CDK6: variants seen among roughly 807,000 people sequenced by gnomAD.
CDK6 encodes the protein cyclin dependent kinase 6, also known as cyclin-dependent kinase 6.
In CDK6, 6 loss-of-function variants were observed where a neutral mutation model predicts 37.1. That is an observed-to-expected ratio of 0.16 (90% CI 0.09 to 0.32). The LOEUF (loss-of-function observed/expected upper bound fraction) is 0.32, where lower values mean the gene tolerates loss of function less well. Among genes scored for constraint, CDK6 ranks in the 10% least tolerant of loss-of-function variants. CDK6 has a pLI of 1.00. For missense variants in CDK6, 224 were observed against 418.9 expected (o/e 0.53, Z 4.06); for synonymous variants, 160 against 161.3 (o/e 0.99, Z 0.06).
chr7:92,708,867 G>A (rs1171855871), intron 4 of CDK6, among the ~76,000 whole-genome samples: 2 of 152,130 alleles, frequency 1.3e-5, no homozygotes, highest in Non-Finnish European at 2.9e-5. Context: ...CAATACCACT[G>A]CCAGTAAAAA....
intron 5 of CDK6, among the ~76,000 whole-genome samples, chr7:92,663,553 T>C (rs927196355): frequency 6.6e-6 from 1 of 151,652 alleles, no homozygotes. Context: ...TACAAAAAAT[T>C]AGCTGGGCGT....
chr7:92,819,134 T>C (rs1023264309), intron 2 of CDK6, among the ~76,000 whole-genome samples: 8 of 152,068 alleles, frequency 5.3e-5, no homozygotes, highest in African/African-American at 1.9e-4. Flanking sequence ...AACAGCCTTA[T>C]TTATAACAGC....
At chr7:92,787,646 A>G (rs1741531906) in intron 2 of CDK6, among the ~76,000 whole-genome samples, 1 of 152,118 alleles carries the variant, frequency 6.6e-6, no homozygotes, top group Non-Finnish European at 1.5e-5. Context: ...GTGCTTTTCA[A>G]TCCCCTCCCA....
intron 4 of CDK6, among the ~76,000 whole-genome samples, chr7:92,689,959 CA>C (rs1797564236): frequency 6.6e-6 from 1 of 152,026 alleles, no homozygotes; most frequent in Non-Finnish European, 1.5e-5. Flanking sequence ...GTCATTTGCC[CA>C]CTTTTTTATC....
At chr7:92,739,735 T>C (rs1798873638) in intron 3 of CDK6, among the ~76,000 whole-genome samples, 1 of 152,202 alleles carries the variant, frequency 6.6e-6, no homozygotes, top group Non-Finnish European at 1.5e-5. Flanking sequence ...TTTAATCTTT[T>C]CTCCACTGCA....
At chr7:92,793,330 C>T (rs942876215) in intron 2 of CDK6, among the ~76,000 whole-genome samples, 2 of 152,090 alleles carry the variant, frequency 1.3e-5, no homozygotes, top group African/African-American at 2.4e-5. Context: ...TTCGAAGACT[C>T]GCACTTCTCA....
At chr7:92,737,181 A>G (rs1798808640) in intron 3 of CDK6, among the ~76,000 whole-genome samples, 1 of 152,200 alleles carries the variant, frequency 6.6e-6, no homozygotes, top group Non-Finnish European at 1.5e-5. Context: ...GTGCCACTAA[A>G]TGAAGATGAG....
chr7:92,615,898 C>A (rs189886154), intron 7 of CDK6, among the ~76,000 whole-genome samples: 7 of 152,332 alleles, frequency 4.6e-5, no homozygotes, highest in African/African-American at 1.7e-4. Context: ...GAAACCTTTG[C>A]AGTAGCAGCA....
chr7:92,712,878 G>GTATGTATTTATT (rs1343099505), intron 4 of CDK6, among the ~76,000 whole-genome samples: 15 of 128,040 alleles, frequency 1.2e-4, no homozygotes, highest in African/African-American at 3.3e-4. Context: ...ATGTATGTAT[G>GTATGTATTTATT]TATTTATTTA....
intron 4 of CDK6, among the ~76,000 whole-genome samples, chr7:92,685,631 C>T (rs187498539): frequency 6.6e-6 from 1 of 152,262 alleles, no homozygotes; most frequent in East Asian, 1.9e-4. Context: ...AACTCCTGCA[C>T]TAGGCCCCAA....
intron 5 of CDK6, among the ~76,000 whole-genome samples, chr7:92,640,255 C>T (rs1796272791): frequency 6.6e-6 from 1 of 152,130 alleles, no homozygotes; most frequent in African/African-American, 2.4e-5. Context: ...CATCAAAGTG[C>T]AAATGGAAGG....
At chr7:92,818,276 T>C (rs1205132763) in intron 2 of CDK6, among the ~76,000 whole-genome samples, 1 of 151,282 alleles carries the variant, frequency 6.6e-6, no homozygotes, top group Non-Finnish European at 1.5e-5. Context: ...GAACAAAGAG[T>C]CTAAAAACAG....
intron 2 of CDK6, 68 bp from the exon 3 acceptor site, chr7:92,774,899 A>G: frequency 3.4e-6 from 5 of 1,454,886 alleles, no homozygotes; most frequent in Admixed American, 2.4e-5. Context: ...TGTTTTATAC[A>G]TATCGCTCAA....
intron 2 of CDK6, among the ~76,000 whole-genome samples, chr7:92,782,936 T>C (rs9655747): frequency 0.037 from 5,598 of 152,196 alleles, 309 homozygotes; most frequent in African/African-American, 0.12. Flanking sequence ...AGTAGCAGTG[T>C]CCTCAAAGTG....
chr7:92,723,989 G>A (rs1348890175), intron 4 of CDK6, among the ~76,000 whole-genome samples: 2 of 151,836 alleles, frequency 1.3e-5, no homozygotes, highest in African/African-American at 4.8e-5. Context: ...CCATTTGGGG[G>A]GATTAAAATA....
chr7:92,746,170 G>A (rs1397597368), intron 3 of CDK6, among the ~76,000 whole-genome samples: 1 of 152,172 alleles, frequency 6.6e-6, no homozygotes, highest in East Asian at 1.9e-4. Flanking sequence ...CTCTACTAAT[G>A]AACTTAGATT....
At chr7:92,743,205 A>C (rs145624732) in intron 3 of CDK6, among the ~76,000 whole-genome samples, 1 of 151,592 alleles carries the variant, frequency 6.6e-6, no homozygotes, top group African/African-American at 2.4e-5. Flanking sequence ...GTGAAACCCC[A>C]TATCTACTAA....
rs111754695 is a variant in CDK6, at chr7:92,827,165, T to G, written c.233+5926A>C. On this transcript the variant is annotated intron_variant, in intron 2 of 7. Coordinates refer to ENST00000424848, the MANE Select transcript of CDK6 (RefSeq NM_001145306.2). ...TGCATTCATAAAACAACTCAAATTT[T>G]ATTATTATAAAACAGATCAAAGGGG... 4.4e-3 allele frequency among the ~76,000 whole-genome samples: 675 copies of G among 152,306 alleles called. 4 individuals are homozygous for G. The highest frequency in any genetic ancestry group is 0.015 in the African/African-American group (625 of 41,574).
intron 3 of CDK6, among the ~76,000 whole-genome samples, chr7:92,767,221 A>G (rs573405873): frequency 5.1e-4 from 77 of 152,284 alleles, no homozygotes; most frequent in Non-Finnish European, 7.9e-4. Context: ...TTCTCTTCTG[A>G]TATTTTCAGC....
Sources: gnomAD v4.1 joint callset for allele counts (sites outside exome capture counted in the v4.1 genomes callset) on GRCh38, gnomAD v4.1.1 for gene constraint, MANE v1.5 for transcripts, NCBI Gene and HGNC (gene_info 2026-07-23, HGNC 2026-07-21) for gene names.